Variants in TMEM268 observed in about 807,000 individuals in gnomAD.
TMEM268 encodes the protein transmembrane protein C9orf91.
A neutral mutation model predicts 39.1 loss-of-function variants in TMEM268; 24 were observed. The ratio of observed to expected loss-of-function variants is 0.61; its 90% CI spans 0.44 to 0.86. The LOEUF (loss-of-function observed/expected upper bound fraction) is 0.86, where lower values mean the gene tolerates loss of function less well. Ranked by LOEUF, TMEM268 falls within the 40% of genes least tolerant of loss-of-function variation. The pLI is 0.00. For synonymous variants in TMEM268, 176 were observed against 173.5 expected, an observed-to-expected ratio of 1.01 and a Z score of -0.12; for missense variants, 409 against 428.6, an observed-to-expected ratio of 0.95 and a Z score of 0.40.
chr9:114,642,882 T>G (rs1827416239), intron 8 of TMEM268, among the ~76,000 whole-genome samples: 1 of 152,124 alleles, frequency 6.6e-6, no homozygotes, highest in Admixed American at 6.5e-5. Context: ...ATTCAGCAGT[T>G]AGTTACTCAC....
In TMEM268 at chr9:114,643,177, T is replaced by C. The variant is rs529933974; in HGVS notation, c.893T>C (p.Ile298Thr). ...QLLAVFGGYY[I>T]RLLVTSQLPQ... ...CTGGCAGTGTTTGGCGGCTACTACA[T>C]CCGGCTTCTAGTGACCTCCCAGCTC... is the stretch of plus-strand genomic sequence containing the variant. Residue 298 changes from isoleucine to threonine, a missense_variant, in exon 9 of 9, where the codon ATC becomes ACC. Coordinates refer to ENST00000288502, the MANE Select transcript of TMEM268 (RefSeq NM_153045.4). 8 of 1,614,142 alleles carry C rather than the reference T, an allele frequency of 5.0e-6. No homozygotes were observed. The African/African-American group carries it at 1.1e-4, about 22-fold the overall frequency.
intron 2 of TMEM268, among the ~76,000 whole-genome samples, chr9:114,617,980 A>C (rs1845801258): frequency 6.6e-6 from 1 of 151,878 alleles, no homozygotes; most frequent in Non-Finnish European, 1.5e-5. Flanking sequence ...AAGTTCAAGC[A>C]GTTCTCCTGC....
At position 114,633,777 on chromosome 9, in the gene TMEM268, A is replaced by G. The variant is rs1260526432; in HGVS notation, c.484A>G (p.Asn162Asp). 1 of 1,589,820 alleles carries G rather than the reference A, an allele frequency of 6.3e-7. No homozygotes were observed. The highest frequency in any genetic ancestry group is 1.1e-5 in the South Asian group (1 of 86,960). The change falls in exon 6 of 9, where the codon AAC (asparagine) becomes GAC (aspartate). Residue 162 changes from asparagine to aspartate, a missense_variant. Physicochemically the swap from Asn to Asp is conservative, Grantham distance 23. Coordinates refer to ENST00000288502, the MANE Select transcript of TMEM268 (RefSeq NM_153045.4). ...FERHQKKANTNTDLRLAAANG... is the reference protein window; with the variant it reads ...FERHQKKANTDTDLRLAAANG... ...GGCGTTTGTCTTACAGGCCAACACC[A>G]ACACGGACCTGAGGCTGGCAGCTGC...
intron 1 of TMEM268, among the ~76,000 whole-genome samples, chr9:114,612,016 T>C (rs1311070938): frequency 1.3e-5 from 2 of 152,236 alleles, no homozygotes; most frequent in African/African-American, 2.4e-5. Flanking sequence ...CACTTTCTTT[T>C]CTGGGTCTTA....
upstream of TMEM268, among the ~76,000 whole-genome samples, chr9:114,610,958 A>C (rs1845462304): frequency 6.6e-6 from 1 of 152,186 alleles, no homozygotes; most frequent in Non-Finnish European, 1.5e-5. Flanking sequence ...GCGGTGGCTC[A>C]CGCCTGTAAT....
At chr9:114,622,271 A>C (rs1845975276) in intron 2 of TMEM268, 11 of 985,318 alleles carry the variant, frequency 1.1e-5, no homozygotes, top group Non-Finnish European at 1.2e-5. Flanking sequence ...TTATGCTTTA[A>C]TCTCTTCTGT....
chr9:114,627,908 A>G (rs1196405864), intron 4 of TMEM268, among the ~76,000 whole-genome samples, 193 bp from the exon 5 acceptor site: 1 of 152,102 alleles, frequency 6.6e-6, no homozygotes, highest in Non-Finnish European at 1.5e-5. Flanking sequence ...CTTTTTGTCT[A>G]CTTTTGCTTA....
chr9:114,634,092 G>A (rs1404255726), intron 6 of TMEM268, among the ~76,000 whole-genome samples: 1 of 152,202 alleles, frequency 6.6e-6, no homozygotes, highest in Non-Finnish European at 1.5e-5. Context: ...CCTCCACGTG[G>A]CAGGGCTGGA....
intron 1 of TMEM268, among the ~76,000 whole-genome samples, chr9:114,612,801 ATTGTCTTTCCCTGAGT>A (rs1291084956): frequency 2.6e-5 from 4 of 152,146 alleles, no homozygotes; most frequent in African/African-American, 9.6e-5. Flanking sequence ...TTGTTTTGTA[ATTGTCTTTCCCTGAGT>A]TTGTCTTTCC....
At chr9:114,630,227 G>A (rs1218444016) in intron 5 of TMEM268, among the ~76,000 whole-genome samples, 1 of 152,110 alleles carries the variant, frequency 6.6e-6, no homozygotes, top group Admixed American at 6.5e-5. Flanking sequence ...GCAGAGCTGG[G>A]CTCTGGCCCA....
At chr9:114,623,296 T>C (rs1223905168) in intron 2 of TMEM268, among the ~76,000 whole-genome samples, 1 of 152,034 alleles carries the variant, frequency 6.6e-6, no homozygotes, top group African/African-American at 2.4e-5. Flanking sequence ...TACAGGCACG[T>C]GCCACCACGC....
chr9:114,623,994 A>C (rs1007341318), intron 2 of TMEM268: 1 of 207,856 alleles, frequency 4.8e-6, no homozygotes, highest in African/African-American at 2.3e-5. Context: ...CACCCCCCTC[A>C]ATGTAGTTTT....
At chr9:114,610,627 T>C (rs915859447), upstream of TMEM268, among the ~76,000 whole-genome samples, 1 of 152,194 alleles carries the variant, frequency 6.6e-6, no homozygotes, top group African/African-American at 2.4e-5. Flanking sequence ...CTTTTAACCG[T>C]AGACCCTTTG....
At chr9:114,634,487 C>A (rs985730705) in intron 6 of TMEM268, among the ~76,000 whole-genome samples, 2 of 152,168 alleles carry the variant, frequency 1.3e-5, no homozygotes, top group African/African-American at 4.8e-5. Flanking sequence ...GGGGGGAGAT[C>A]TGAAAGTGAC....
In TMEM268 at chr9:114,643,381, G is replaced by A; in HGVS notation, c.*68G>A. On this transcript the variant is annotated 3_prime_UTR_variant, in exon 9 of 9. Transcript: ENST00000288502. Reference sequence around the variant, plus strand: ...CAGGAAGGCTTCAGGAGCCCAAGATGGCCAATGGGGAGCCCCAGGTGAGGA... The same window carrying A: ...CAGGAAGGCTTCAGGAGCCCAAGATAGCCAATGGGGAGCCCCAGGTGAGGA... The A allele has an allele frequency of 1.4e-6, 2 of 1,438,120 alleles. No homozygotes were observed. Among genetic ancestry groups the A allele is most frequent in the Non-Finnish European group, 1.9e-6 (2 of 1,032,272 alleles). The allele number at this position is 1,438,120 out of a possible 1,614,324, so 89.1% of individuals were successfully genotyped here.
intron 1 of TMEM268, among the ~76,000 whole-genome samples, chr9:114,614,857 C>T (rs1845639538): frequency 6.8e-6 from 1 of 147,042 alleles, no homozygotes; most frequent in South Asian, 2.1e-4. Context: ...AACTCAGTTT[C>T]TCATTAAGGA....
At chr9:114,617,389 C>A in intron 2 of TMEM268, 88 bp downstream of exon 2, 4 of 1,021,342 alleles carry the variant, frequency 3.9e-6, no homozygotes, top group South Asian at 1.4e-5. Flanking sequence ...TAGATAAGGT[C>A]AGGGGGAGGT....
rs775342113 is a variant in TMEM268 at position 114,643,249 on chromosome 9, G to A, written c.965G>A (p.Cys322Tyr). 6.2e-7 allele frequency: 1 copy of A among 1,614,044 alleles called. No homozygotes were observed. Among genetic ancestry groups the A allele is most frequent in the Non-Finnish European group, 8.5e-7 (1 of 1,180,016 alleles). The change falls in exon 9 of 9, where the codon TGC becomes TAC. Residue 322 changes from cysteine to tyrosine, a missense_variant. Coordinates refer to ENST00000288502, the MANE Select transcript of TMEM268 (RefSeq NM_153045.4). Reference protein sequence around the residue: ...TRHTNSPRIPCPCQLIEAYIL... With the variant: ...TRHTNSPRIPYPCQLIEAYIL... ...CACACGAACTCTCCGAGAATTCCAT[G>A]CCCCTGCCAGCTCATAGAAGCCTAC...
Position 114,624,414 on chromosome 9 carries a change from C to A in TMEM268, c.171C>A (p.Phe57Leu). 1 of 1,598,058 alleles carries A rather than the reference C, an allele frequency of 6.3e-7. No homozygotes were observed. The highest frequency in any genetic ancestry group is 8.5e-7 in the Non-Finnish European group (1 of 1,171,274). Reference sequence around the variant, plus strand: ...ACAATACCTGTGCACCCATCTCCTTCGACCTGGGAGCCGCAGAAGAGCAAC... The same window carrying A: ...ACAATACCTGTGCACCCATCTCCTTAGACCTGGGAGCCGCAGAAGAGCAAC... ...RIDNTCAPIS[F>L]DLGAAEEQLQ... Residue 57 changes from phenylalanine (F) to leucine (L), a missense_variant, in exon 3 of 9, where the codon TTC becomes TTA. Transcript: ENST00000288502.
Sources: allele counts gnomAD v4.1 joint callset (sites outside exome capture counted in the v4.1 genomes callset), GRCh38; gene constraint gnomAD v4.1.1; transcripts MANE v1.5; gene names NCBI Gene and HGNC (gene_info 2026-07-23, HGNC 2026-07-21).